The following LRFN2 variants were observed in gnomAD, a reference collection of about 807,000 sequenced individuals.
LRFN2 encodes leucine-rich repeat and fibronectin type-III domain-containing protein 2.
Under a neutral mutation model 37.3 loss-of-function variants are expected in LRFN2, and 18 were observed. That is an observed-to-expected ratio of 0.48 (90% confidence interval 0.33 to 0.72). The LOEUF (loss-of-function observed/expected upper bound fraction) is 0.72, where lower values mean the gene tolerates loss of function less well. Ranked by LOEUF, LRFN2 falls within the 30% of genes least tolerant of loss-of-function variation. The pLI is 0.02. For synonymous variants in LRFN2, 556 were observed against 466.6 expected (o/e 1.19, Z -2.47); for missense variants, 1,006 against 1,060.7 (o/e 0.95, Z 0.72).
chr6:40,399,681 G>A (rs1480291324), intron 2 of LRFN2, among the ~76,000 whole-genome samples: 3 of 151,496 alleles, frequency 2.0e-5, no homozygotes, highest in African/African-American at 7.3e-5. Flanking sequence ...CAGACCATCC[G>A]CCCGCCTTGG....
Position 40,413,012 on chromosome 6 carries a change from G to A in LRFN2, c.1400+18702C>T, listed in dbSNP as rs573913708. Among the ~76,000 whole-genome samples, 10 of 152,280 alleles carry A rather than the reference G, an allele frequency of 6.6e-5. No individual in the cohort carries two copies. In the East Asian group the frequency reaches 1.7e-3, roughly 26 times the overall value. On this transcript the variant is annotated intron_variant, in intron 2 of 2. Coordinates refer to ENST00000338305, the MANE Select transcript of LRFN2 (RefSeq NM_020737.3). ...AATCTAAGAAGGTCAATGATTCCCA[G>A]CACTGCCGTGTTCCAGAGAGCACCG...
chr6:40,527,368 T>C (rs190407315), intron 1 of LRFN2, among the ~76,000 whole-genome samples: 10 of 152,338 alleles, frequency 6.6e-5, no homozygotes, highest in Admixed American at 6.5e-4. Flanking sequence ...GCTTGGTAGA[T>C]TTTATTTTAT....
intron 2 of LRFN2, among the ~76,000 whole-genome samples, chr6:40,423,015 T>C (rs183453044): frequency 1.2e-3 from 186 of 152,348 alleles, no homozygotes; most frequent in Non-Finnish European, 2.4e-3. Flanking sequence ...ACAGATGCTC[T>C]GAAGCTTTTT....
chr6:40,438,382 G>A (rs967488547), intron 1 of LRFN2, among the ~76,000 whole-genome samples: 11 of 152,172 alleles, frequency 7.2e-5, no homozygotes, highest in African/African-American at 1.7e-4. Context: ...AGGTGTTCCT[G>A]CTGGCCACTG....
chr6:40,553,526 G>A (rs1313764330), intron 1 of LRFN2, among the ~76,000 whole-genome samples: 1 of 152,132 alleles, frequency 6.6e-6, no homozygotes, highest in Non-Finnish European at 1.5e-5. Flanking sequence ...CACTCCATTT[G>A]TAAATAGGGG....
intron 1 of LRFN2, among the ~76,000 whole-genome samples, chr6:40,523,204 C>G (rs1477480784): frequency 1.3e-5 from 2 of 152,210 alleles, no homozygotes; most frequent in Non-Finnish European, 2.9e-5. Context: ...CCTTGCCACA[C>G]AGCAGGTGCT....
intron 1 of LRFN2, among the ~76,000 whole-genome samples, chr6:40,527,619 A>C (rs1032392164): frequency 2.0e-5 from 3 of 152,236 alleles, no homozygotes; most frequent in Non-Finnish European, 4.4e-5. Flanking sequence ...ATTGAGAAAG[A>C]GAGCCAATAT....
In LRFN2 at chr6:40,472,625, G is replaced by A. The variant is rs150172800; in HGVS notation, c.-18-39494C>T. ...ATTTGTGCACTTCCCTCCTCCTGAT[G>A]CTGGTGTGGCTCAAGCCACTTCAGA... On this transcript the variant is annotated intron_variant, in intron 1 of 2. Coordinates refer to ENST00000338305, the MANE Select transcript of LRFN2 (RefSeq NM_020737.3). Among the ~76,000 whole-genome samples the A allele has an allele frequency of 1.7e-3, 255 of 152,284 alleles. 1 individual carries two copies. The highest frequency in any genetic ancestry group is 5.8e-3 in the African/African-American group (241 of 41,562).
At chr6:40,448,123 C>T (rs1764016290) in intron 1 of LRFN2, among the ~76,000 whole-genome samples, 1 of 152,188 alleles carries the variant, frequency 6.6e-6, no homozygotes, top group Admixed American at 6.5e-5. Flanking sequence ...TGAGCAGTGT[C>T]CTTCACACCC....
At chr6:40,460,373 A>C (rs947047606) in intron 1 of LRFN2, among the ~76,000 whole-genome samples, 2 of 152,136 alleles carry the variant, frequency 1.3e-5, no homozygotes, top group South Asian at 4.1e-4. Flanking sequence ...CCGGATTTGC[A>C]TGCTCCTTTC....
At position 40,432,562 on chromosome 6, in the gene LRFN2, C is replaced by A. The variant is rs147104443; in HGVS notation, c.552G>T (p.Leu184=). Residue 184 remains leucine, a synonymous_variant, in exon 2 of 3, where the codon CTG becomes CTT. Transcript: ENST00000338305. ...NLHQLSLDHN[L]LDHIAEGTFA... ...AGGTGCCCTCGGCGATGTGATCCAGCAGGTTGTGGTCCAGGCTCAGCTGGT... is the reference window on the plus strand; with the variant it reads ...AGGTGCCCTCGGCGATGTGATCCAGAAGGTTGTGGTCCAGGCTCAGCTGGT... 1.9e-6 allele frequency: 3 copies of A among 1,614,234 alleles called. No homozygotes were observed. Among genetic ancestry groups the A allele is most frequent in the South Asian group, 2.2e-5 (2 of 91,086 alleles).
chr6:40,433,803 G>A (rs370681229), intron 1 of LRFN2, among the ~76,000 whole-genome samples: 1 of 152,152 alleles, frequency 6.6e-6, no homozygotes, highest in African/African-American at 2.4e-5. Context: ...AAGTGAAGAA[G>A]GAGGTGTGAT....
intron 1 of LRFN2, among the ~76,000 whole-genome samples, chr6:40,470,807 C>A (rs1162862755): frequency 6.6e-6 from 1 of 152,208 alleles, no homozygotes; most frequent in Non-Finnish European, 1.5e-5. Flanking sequence ...CAGGCACCTG[C>A]TGGGCCTGGA....
chr6:40,457,401 T>C (rs1764256639), intron 1 of LRFN2, among the ~76,000 whole-genome samples: 2 of 151,960 alleles, frequency 1.3e-5, no homozygotes, highest in South Asian at 4.2e-4. Flanking sequence ...GTTAGTCACA[T>C]GTATAAATAT....
intron 1 of LRFN2, among the ~76,000 whole-genome samples, chr6:40,444,279 A>T (rs576417308): frequency 2.2e-4 from 33 of 152,154 alleles, no homozygotes; most frequent in African/African-American, 5.8e-4. Flanking sequence ...AAGAAGGGGG[A>T]AAAGGAGAAA....
intron 1 of LRFN2, among the ~76,000 whole-genome samples, chr6:40,459,315 G>A (rs755368984): frequency 6.6e-5 from 10 of 152,202 alleles, no homozygotes; most frequent in Non-Finnish European, 1.3e-4. Flanking sequence ...AGTCATAAGA[G>A]TAATAGGCCA....
chr6:40,579,994 A>G (rs111953974), intron 1 of LRFN2, among the ~76,000 whole-genome samples: 1 of 152,224 alleles, frequency 6.6e-6, no homozygotes, highest in African/African-American at 2.4e-5. Context: ...TGAAGGTAGC[A>G]CTTCAGAGCA....
intron 1 of LRFN2, among the ~76,000 whole-genome samples, chr6:40,453,018 C>T (rs1440125498): frequency 6.6e-6 from 1 of 152,122 alleles, no homozygotes; most frequent in Non-Finnish European, 1.5e-5. Context: ...AGAGATGAGC[C>T]CCATGGCAAA....
intron 1 of LRFN2, among the ~76,000 whole-genome samples, chr6:40,530,568 T>C (rs924571566): frequency 1.3e-5 from 2 of 152,022 alleles, no homozygotes; most frequent in Non-Finnish European, 2.9e-5. Flanking sequence ...CTCTCTCTGA[T>C]CACCCCTTTC....
Sources: gnomAD v4.1 joint callset for allele counts (sites outside exome capture counted in the v4.1 genomes callset) on GRCh38, gnomAD v4.1.1 for gene constraint, MANE v1.5 for transcripts, NCBI Gene and HGNC (gene_info 2026-07-23, HGNC 2026-07-21) for gene names.